PPP2R2B: variants seen among roughly 807,000 people sequenced by gnomAD.
The protein encoded by PPP2R2B is serine/threonine-protein phosphatase 2A 55 kDa regulatory subunit B beta isoform.
PPP2R2B carries 5 observed loss-of-function variants against 46.0 expected under a neutral mutation model. The observed-to-expected ratio is 0.11, with a 90% CI of 0.06 to 0.23. PPP2R2B has a LOEUF of 0.23. Among genes scored for constraint, PPP2R2B ranks in the 10% least tolerant of loss-of-function variants. PPP2R2B has a pLI of 1.00. For synonymous variants in PPP2R2B, 215 were observed against 206.7 expected (o/e 1.04, Z -0.34); for missense variants, 367 against 575.0 (o/e 0.64, Z 3.70).
At chr5:147,064,193 G>A (rs1452960597) in intron 2 of PPP2R2B, among the ~76,000 whole-genome samples, 2 of 152,182 alleles carry the variant, frequency 1.3e-5, no homozygotes, top group Non-Finnish European at 2.9e-5. Context: ...ATTACATCTG[G>A]AGAGATTTAC....
intron 1 of PPP2R2B, among the ~76,000 whole-genome samples, chr5:146,965,843 C>T (rs967823523): frequency 2.6e-5 from 4 of 152,090 alleles, no homozygotes; most frequent in Non-Finnish European, 4.4e-5. Flanking sequence ...AGGTTTGAAC[C>T]CAGCACTGTT....
At chr5:146,888,516 C>A (rs1171353268) in intron 1 of PPP2R2B, among the ~76,000 whole-genome samples, 1 of 152,184 alleles carries the variant, frequency 6.6e-6, no homozygotes, top group Non-Finnish European at 1.5e-5. Context: ...CACCCCCAAC[C>A]CCTACAGAGT....
chr5:146,907,645 G>A (rs1763045120), intron 1 of PPP2R2B, among the ~76,000 whole-genome samples: 1 of 152,216 alleles, frequency 6.6e-6, no homozygotes, highest in African/African-American at 2.4e-5. Flanking sequence ...TTCTCTACTT[G>A]GGAGAAACCC....
At chr5:146,790,153 C>T (rs1203580202) in intron 2 of PPP2R2B, among the ~76,000 whole-genome samples, 1 of 152,158 alleles carries the variant, frequency 6.6e-6, no homozygotes, top group East Asian at 1.9e-4. Flanking sequence ...AGGGATTATC[C>T]AGCCCCAGAT....
intron 2 of PPP2R2B, among the ~76,000 whole-genome samples, chr5:146,712,685 G>A (rs920856250): frequency 6.6e-6 from 1 of 152,132 alleles, no homozygotes; most frequent in African/African-American, 2.4e-5. Flanking sequence ...GATCCGGATG[G>A]CTAGGCAGGT....
intron 1 of PPP2R2B, among the ~76,000 whole-genome samples, chr5:146,969,502 C>A: frequency 6.6e-6 from 1 of 152,150 alleles, no homozygotes; most frequent in South Asian, 2.1e-4. Flanking sequence ...TAAGTGAGGG[C>A]ACCCTGATTG....
At chr5:146,825,603 T>A (rs915281939) in intron 2 of PPP2R2B, among the ~76,000 whole-genome samples, 1 of 152,192 alleles carries the variant, frequency 6.6e-6, no homozygotes, top group Admixed American at 6.5e-5. Flanking sequence ...TATGGATGGA[T>A]TGAAATAACT....
chr5:146,779,884 A>G (rs1755404637), intron 2 of PPP2R2B, among the ~76,000 whole-genome samples: 1 of 152,182 alleles, frequency 6.6e-6, no homozygotes, highest in South Asian at 2.1e-4. Flanking sequence ...TACACATATG[A>G]TGAAGCTGGG....
chr5:146,807,776 C>CTTTTTTTTTTTTTTTTTTT lies in PPP2R2B; in HGVS notation c.70+70207_70+70225dup, dbSNP rs10583721. 1.6e-4 allele frequency among the ~76,000 whole-genome samples: 6 copies of CTTTTTTTTTTTTTTTTTTT among 36,930 alleles called. 1 individual carries two copies. The highest frequency in any genetic ancestry group is 2.2e-4 in the Non-Finnish European group (4 of 18,068). The allele number at this position is 36,930 out of a possible 152,430, so 24.2% of individuals were successfully genotyped here. A position where few individuals can be genotyped will look rare whatever the true frequency, so the allele number is the denominator to read the frequency against. On this transcript the variant is annotated intron_variant, in intron 2 of 9. Coordinates refer to ENST00000394411, the MANE Select transcript of PPP2R2B (RefSeq NM_181675.4). ...TTGGTTAAACCTCCTGGGGTGCCTT[C>CTTTTTTTTTTTTTTTTTTT]TTTTTTTTTTTTTTTTTTTTTTTTT...
At chr5:146,776,766 C>T (rs996940216) in intron 2 of PPP2R2B, among the ~76,000 whole-genome samples, 4 of 151,844 alleles carry the variant, frequency 2.6e-5, no homozygotes, top group African/African-American at 9.7e-5. Flanking sequence ...GTTTTAATAT[C>T]CAGAGTAAAA....
chr5:146,879,696 T>C (rs530002583), upstream of PPP2R2B, among the ~76,000 whole-genome samples: 100 of 152,324 alleles, frequency 6.6e-4, no homozygotes, highest in African/African-American at 2.4e-3. Context: ...TTTCAAACTC[T>C]ACTTTTGAAA....
chr5:147,060,541 T>A (rs1757226013), upstream of PPP2R2B, among the ~76,000 whole-genome samples: 1 of 151,980 alleles, frequency 6.6e-6, no homozygotes, highest in Non-Finnish European at 1.5e-5. Flanking sequence ...AGCAGGAGGA[T>A]CACTTGAGCC....
intron 7 of PPP2R2B, among the ~76,000 whole-genome samples, chr5:146,635,270 GTTTT>G (rs555527977): frequency 7.0e-6 from 1 of 142,764 alleles, no homozygotes; most frequent in Non-Finnish European, 1.5e-5. Context: ...AATCACTCTA[GTTTT>G]TTTTTTTTTT....
rs1288715975 is a variant in PPP2R2B at position 146,968,541 on chromosome 5, AG to A, written c.79+87123del. Among the ~76,000 whole-genome samples, 11 of 152,212 alleles carry A rather than the reference AG, an allele frequency of 7.2e-5. No homozygotes were observed. In the South Asian group the frequency reaches 1.7e-3, roughly 23 times the overall value. ...GATTGAAACTACGAAGATCTATGTC[AG>A]TGTCGTCTGTTAATGACCTGAGCTA... On this transcript the variant is annotated intron_variant, in intron 1 of 8. Coordinates refer to the PPP2R2B transcript ENST00000336640.
intron 7 of PPP2R2B, among the ~76,000 whole-genome samples, chr5:146,620,538 C>T (rs999008797): frequency 3.3e-5 from 5 of 152,120 alleles, no homozygotes; most frequent in African/African-American, 7.2e-5. Context: ...GCTTTATGAG[C>T]GCTCATATTT....
chr5:147,048,886 A>G (rs1756658289), intron 1 of PPP2R2B, among the ~76,000 whole-genome samples: 1 of 152,190 alleles, frequency 6.6e-6, no homozygotes, highest in African/African-American at 2.4e-5. Context: ...TGCCTACTGG[A>G]GATATAGAAA....
rs369663372 is a variant in PPP2R2B at position 146,701,207 on chromosome 5, G to T, written c.71-65C>A. On this transcript the variant is annotated intron_variant, in intron 2 of 9. Coordinates refer to ENST00000394411, the MANE Select transcript of PPP2R2B (RefSeq NM_181675.4). ...ACTTACTTTGAAAGGATAGATAATA[G>T]ATATACTTTTCTGTGCATTTAAGGG... is the stretch of plus-strand genomic sequence containing the variant. 16 of 1,294,892 alleles carry T rather than the reference G, an allele frequency of 1.2e-5. No individual in the cohort carries two copies. The African/African-American group carries it at 1.6e-4, about 13-fold the overall frequency. The allele number at this position is 1,294,892 out of a possible 1,614,324, so 80.2% of individuals were successfully genotyped here. A position where few individuals can be genotyped will look rare whatever the true frequency, so the allele number is the denominator to read the frequency against.
At chr5:146,971,455 A>G (rs914321832) in intron 1 of PPP2R2B, among the ~76,000 whole-genome samples, 2 of 152,152 alleles carry the variant, frequency 1.3e-5, no homozygotes, top group Non-Finnish European at 2.9e-5. Context: ...CTTTTTTCCA[A>G]TTGCAAATTT....
chr5:146,690,116 C>T (rs1239597277), intron 5 of PPP2R2B, among the ~76,000 whole-genome samples: 1 of 152,210 alleles, frequency 6.6e-6, no homozygotes, highest in Non-Finnish European at 1.5e-5. Context: ...CACTGTCTCC[C>T]TTCTTACTTT....
Sources: allele counts gnomAD v4.1 joint callset (sites outside exome capture counted in the v4.1 genomes callset), GRCh38; gene constraint gnomAD v4.1.1; transcripts MANE v1.5; gene names NCBI Gene and HGNC (gene_info 2026-07-23, HGNC 2026-07-21).